The following PLCD4 variants were observed in gnomAD, a reference collection of about 807,000 sequenced individuals.
PLCD4 encodes 1-phosphatidylinositol 4,5-bisphosphate phosphodiesterase delta-4.
Under a neutral mutation model 90.2 loss-of-function variants are expected in PLCD4, and 63 were observed. That is an observed-to-expected ratio of 0.70 (90% CI 0.57 to 0.86). The LOEUF (loss-of-function observed/expected upper bound fraction) is 0.86, where lower values mean the gene tolerates loss of function less well. Ranked by LOEUF, PLCD4 falls within the 40% of genes least tolerant of loss-of-function variation. PLCD4 has a pLI of 0.00. For synonymous variants in PLCD4, 294 were observed against 356.5 expected (o/e 0.82, Z 1.97); for missense variants, 830 against 956.3 (o/e 0.87, Z 1.74).
At chr2:218,630,624 C>T (rs751463465) in intron 8 of PLCD4, 26 bp from the exon 9 acceptor site, 1 of 1,613,872 alleles carries the variant, frequency 6.2e-7, no homozygotes, top group South Asian at 1.1e-5. Context: ...AACTCTGAAT[C>T]CATTGTTCCC....
chr2:218,636,684 T>C lies in PLCD4; in HGVS notation c.*107T>C, dbSNP rs1482784440. Reference sequence around the variant, plus strand: ...GAGGTGGTGAAAATCAAGCTTTGGATTGTGCATTCCTAGGCACAAAATTAC... The same window carrying C: ...GAGGTGGTGAAAATCAAGCTTTGGACTGTGCATTCCTAGGCACAAAATTAC... On this transcript the variant is annotated 3_prime_UTR_variant, in exon 16 of 16. Coordinates refer to ENST00000450993, the MANE Select transcript of PLCD4 (RefSeq NM_032726.4). The C allele has an allele frequency of 4.0e-6, 5 of 1,239,224 alleles. No individual in the cohort carries two copies. Among genetic ancestry groups the C allele is most frequent in the East Asian group, 2.5e-5 (1 of 39,306 alleles). 76.8% of individuals were successfully genotyped at this position (1,239,224 alleles called of 1,614,324 possible).
chr2:218,612,066 T>G (rs1695365516), intron 1 of PLCD4, among the ~76,000 whole-genome samples: 1 of 152,050 alleles, frequency 6.6e-6, no homozygotes, highest in African/African-American at 2.4e-5. Flanking sequence ...GTAGCCACCA[T>G]GCCCAGCTAA....
intron 6 of PLCD4, among the ~76,000 whole-genome samples, chr2:218,625,150 A>T (rs1424957945): frequency 2.0e-5 from 3 of 151,202 alleles, no homozygotes; most frequent in Non-Finnish European, 2.9e-5. Context: ...AGAAAGAAAA[A>T]AGAAATAGGA....
intron 1 of PLCD4, among the ~76,000 whole-genome samples, chr2:218,614,022 T>C (rs915460443): frequency 1.3e-5 from 2 of 151,872 alleles, no homozygotes; most frequent in East Asian, 3.9e-4. Flanking sequence ...CTTCTTCTTT[T>C]TTTTTTTTTG....
At chr2:218,635,231 G>A (rs144615594) in intron 13 of PLCD4, among the ~76,000 whole-genome samples, 27 of 151,960 alleles carry the variant, frequency 1.8e-4, no homozygotes, top group Non-Finnish European at 3.5e-4. Context: ...CTGCCCCACT[G>A]CATTCCAGCT....
Position 218,618,545 on chromosome 2 carries a change from TCCTTAATGCCTCCAC to T in PLCD4, c.182-32_182-18del, listed in dbSNP as rs776960976. 1 of 1,587,954 alleles carries T rather than the reference TCCTTAATGCCTCCAC, an allele frequency of 6.3e-7. No individual in the cohort carries two copies. ...GCCCCTGCTATTTGTTGGAATCCCT[TCCTTAATGCCTCCAC>T]CTGTTTCTTCTCTGGCAGTCTCAAT... is the stretch of plus-strand genomic sequence containing the variant. On this transcript the variant is annotated intron_variant, in intron 3 of 15. Coordinates refer to ENST00000450993, the MANE Select transcript of PLCD4 (RefSeq NM_032726.4).
At chr2:218,621,439 C>T (rs777463472) in intron 4 of PLCD4, 31 bp from the exon 5 acceptor site, 2 of 1,612,942 alleles carry the variant, frequency 1.2e-6, no homozygotes, top group African/African-American at 2.7e-5. Flanking sequence ...CAAACAGATA[C>T]ATTAGTGCTT....
chr2:218,618,674 A>T lies in PLCD4; in HGVS notation c.277A>T (p.Ile93Phe), dbSNP rs769577480. Residue 93 changes from isoleucine (I) to phenylalanine (F), a missense_variant, in exon 4 of 16, where the codon ATT (isoleucine) becomes TTT (phenylalanine). Physicochemically the swap from Ile to Phe is conservative, Grantham distance 21. Coordinates refer to ENST00000450993, the MANE Select transcript of PLCD4 (RefSeq NM_032726.4). ...GCTCCCCCTGGAGCAGGGCTTCACCATTGTCTTCCATGGCCGCCGCTCCAA... is the reference window on the plus strand; with the variant it reads ...GCTCCCCCTGGAGCAGGGCTTCACCTTTGTCTTCCATGGCCGCCGCTCCAA... ...EELPLEQGFT[I>F]VFHGRRSNLD... 1 of 1,613,868 alleles carries T rather than the reference A, an allele frequency of 6.2e-7. No homozygotes were observed. The highest frequency in any genetic ancestry group is 8.5e-7 in the Non-Finnish European group (1 of 1,179,860).
intron 4 of PLCD4, chr2:218,619,029 G>A (rs1695757371): frequency 1.8e-6 from 1 of 569,192 alleles, no homozygotes; most frequent in Non-Finnish European, 3.1e-6. Context: ...AGGACCCCCA[G>A]GATTGGAGGA....
At position 218,634,782 on chromosome 2, in the gene PLCD4, C is replaced by T. The variant is rs1696614984; in HGVS notation, c.1896+152C>T. Among the ~76,000 whole-genome samples the T allele has an allele frequency of 6.6e-6, 1 of 152,174 alleles. No homozygotes were observed. The highest frequency in any genetic ancestry group is 1.5e-5 in the Non-Finnish European group (1 of 68,026). The stretch of plus-strand genomic sequence containing the variant: ...TGGAGCCAGCTGCCTAGCTTCAAAC[C>T]ACAACTTCCTAATTGGGTAATGTTG... On this transcript the variant is annotated intron_variant, in intron 13 of 15. Coordinates refer to ENST00000450993, the MANE Select transcript of PLCD4 (RefSeq NM_032726.4). The surrounding 1 kb of genome is among the most constrained non-coding windows in gnomAD (Gnocchi z 4.0).
chr2:218,632,038 C>G, intron 9 of PLCD4, 98 bp from the exon 10 acceptor site: 4 of 1,341,368 alleles, frequency 3.0e-6, no homozygotes, highest in Non-Finnish European at 4.0e-6. Context: ...CGACCACTCA[C>G]TCACTTCCTC....
At position 218,634,074 on chromosome 2, in the gene PLCD4, C is replaced by G. The variant is rs1316915597; in HGVS notation, c.1607-31C>G. 13 of 1,577,540 alleles carry G rather than the reference C, an allele frequency of 8.2e-6. No individual in the cohort carries two copies. The highest frequency in any genetic ancestry group is 1.3e-5 in the African/African-American group (1 of 74,088). ...TAGGGAAGTGGGAGATTCCACCCCA[C>G]TTCCATCTCCCTCTCTATACCCTTT... On this transcript the variant is annotated intron_variant, in intron 11 of 15. Transcript: ENST00000450993. The surrounding 1 kb of genome is among the most constrained non-coding windows in gnomAD (Gnocchi z 4.0).
chr2:218,618,423 A>C (rs1695718082), intron 3 of PLCD4, among the ~76,000 whole-genome samples, 156 bp from the exon 4 acceptor site: 1 of 152,162 alleles, frequency 6.6e-6, no homozygotes, highest in Non-Finnish European at 1.5e-5. Flanking sequence ...TGGGGTCTGC[A>C]TCTCTCTGTA....
At position 218,636,494 on chromosome 2, in the gene PLCD4, T is replaced by G; in HGVS notation, c.2206T>G (p.Ser736Ala). ...QQGYRHIHLL[S>A]KDGISLRPAS... The stretch of plus-strand genomic sequence containing the variant: ...AGGTTACCGCCACATTCACCTGCTG[T>G]CCAAAGATGGCATCAGCCTCCGCCC... Residue 736 changes from serine to alanine, a missense_variant, in exon 16 of 16, where the codon TCC becomes GCC. Ser to Ala is a moderately conservative substitution (Grantham distance 99). Transcript: ENST00000450993. 6.2e-7 allele frequency: 1 copy of G among 1,614,024 alleles called. No homozygotes were observed. The highest frequency in any genetic ancestry group is 8.5e-7 in the Non-Finnish European group (1 of 1,179,902).
At chr2:218,636,190 A>T in intron 14 of PLCD4, 53 bp from the exon 15 acceptor site, 1 of 1,572,372 alleles carries the variant, frequency 6.4e-7, no homozygotes, top group Non-Finnish European at 8.7e-7. Context: ...AAAGCAACCC[A>T]GTCAAGAAAA....
rs1696566400 is a variant in PLCD4, at chr2:218,634,126, A to G, written c.1628A>G (p.Asn543Ser). Residue 543 changes from asparagine to serine, a missense_variant, in exon 12 of 16, where the codon AAT becomes AGT. Transcript: ENST00000450993. This position sits in a 1 kb window ranked among gnomAD's most constrained non-coding sequence, Gnocchi z 4.0. ...ACAGGCAATGAGTTTGTGCAGCACA[A>G]TACTTGGCAGTTAAGCCGTGTGTAT... Reference protein sequence around the residue: ...KEAGNEFVQHNTWQLSRVYPS... With the variant: ...KEAGNEFVQHSTWQLSRVYPS... 1 of 1,611,832 alleles carries G rather than the reference A, an allele frequency of 6.2e-7. No homozygotes were observed. Among genetic ancestry groups the G allele is most frequent in the Non-Finnish European group, 8.5e-7 (1 of 1,178,990 alleles).
intron 1 of PLCD4, among the ~76,000 whole-genome samples, chr2:218,615,143 G>A (rs765744846): frequency 6.6e-6 from 1 of 152,080 alleles, no homozygotes; most frequent in Admixed American, 6.6e-5. Context: ...CAGGAGAATC[G>A]CTTGAACTGG....
intron 3 of PLCD4, among the ~76,000 whole-genome samples, chr2:218,616,363 G>C (rs1695577984): frequency 6.6e-6 from 1 of 152,172 alleles, no homozygotes; most frequent in African/African-American, 2.4e-5. Context: ...CAGCCTGCCT[G>C]AATTAAAGCC....
Position 218,615,778 on chromosome 2 carries a change from C to T in PLCD4, c.22+17C>T, listed in dbSNP as rs1387722923. 10 of 1,604,840 alleles carry T rather than the reference C, an allele frequency of 6.2e-6. No individual in the cohort carries two copies. Among genetic ancestry groups the T allele is most frequent in the Middle Eastern group, 3.3e-4 (2 of 5,984 alleles). On this transcript the variant is annotated intron_variant, in intron 2 of 15. Coordinates refer to ENST00000450993, the MANE Select transcript of PLCD4 (RefSeq NM_032726.4). ...TGCAAGACCGTGAGTGCCGGGGCCCCTGCAGGGGAAGAGGCCTTAGTGTAC... is the reference window on the plus strand; with the variant it reads ...TGCAAGACCGTGAGTGCCGGGGCCCTTGCAGGGGAAGAGGCCTTAGTGTAC...
Sources: gnomAD v4.1 joint callset for allele counts (sites outside exome capture counted in the v4.1 genomes callset) on GRCh38, gnomAD v4.1.1 for gene constraint, Gnocchi (gnomAD v3.1) non-coding constraint, MANE v1.5 for transcripts, NCBI Gene and HGNC (gene_info 2026-07-23, HGNC 2026-07-21) for gene names.